Variants in PPP2R3A observed in about 807,000 individuals in gnomAD.
The protein encoded by PPP2R3A is serine/threonine-protein phosphatase 2A regulatory subunit B'' subunit alpha.
Under a neutral mutation model 106.9 loss-of-function variants are expected in PPP2R3A, and 80 were observed. The ratio of observed to expected loss-of-function variants is 0.75; its 90% CI spans 0.62 to 0.90. PPP2R3A has a LOEUF of 0.90. PPP2R3A is among the 40% of genes least tolerant of loss of function. The pLI, the probability that PPP2R3A is intolerant of heterozygous loss-of-function variation, is 0.00. For synonymous variants in PPP2R3A, 483 were observed against 468.3 expected (o/e 1.03, Z -0.41); for missense variants, 1,386 against 1,350.4 (o/e 1.03, Z -0.41).
chr3:136,081,208 G>A (rs1232598324), intron 7 of PPP2R3A, among the ~76,000 whole-genome samples: 1 of 151,916 alleles, frequency 6.6e-6, no homozygotes, highest in Non-Finnish European at 1.5e-5. Flanking sequence ...GGCCAGGCTG[G>A]TCTTGAACTC....
intron 5 of PPP2R3A, among the ~76,000 whole-genome samples, chr3:136,057,648 G>A (rs2107880147): frequency 6.6e-6 from 1 of 152,202 alleles, no homozygotes; most frequent in South Asian, 2.1e-4. Context: ...TGAAGAATCT[G>A]AATAGACATT....
intron 12 of PPP2R3A, among the ~76,000 whole-genome samples, chr3:136,104,918 A>G (rs1352406999): frequency 6.6e-6 from 1 of 152,138 alleles, no homozygotes; most frequent in African/African-American, 2.4e-5. Context: ...TACCATTTTT[A>G]CTCTAAAAAA....
chr3:136,068,501 A>G (rs1443517273), intron 5 of PPP2R3A, among the ~76,000 whole-genome samples: 1 of 152,168 alleles, frequency 6.6e-6, no homozygotes. Context: ...AGCCTGGATG[A>G]CAGAGCAAGA....
intron 1 of PPP2R3A, among the ~76,000 whole-genome samples, chr3:135,984,818 G>T (rs1210318964): frequency 6.6e-6 from 1 of 152,152 alleles, no homozygotes; most frequent in Non-Finnish European, 1.5e-5. Context: ...AGGTTTTATT[G>T]GACTTACAGT....
intron 1 of PPP2R3A, among the ~76,000 whole-genome samples, chr3:136,000,231 A>C (rs1933568946): frequency 6.6e-6 from 1 of 152,248 alleles, no homozygotes; most frequent in East Asian, 1.9e-4. Context: ...TTATATGTTT[A>C]ACTTGTATGT....
In PPP2R3A at chr3:136,136,095, A is replaced by ATAT. The variant is rs1559940409; in HGVS notation, c.3330-8948_3330-8947insTAT. Among the ~76,000 whole-genome samples the ATAT allele has an allele frequency of 4.9e-4, 66 of 134,230 alleles. 2 individuals carry two copies. Among genetic ancestry groups the ATAT allele is most frequent in the Non-Finnish European group, 1.9e-4 (12 of 63,458 alleles). The allele number at this position is 134,230 out of a possible 152,430, so 88.1% of individuals were successfully genotyped here. ...AAAATTATATATATATATATATATA[A>ATAT]AAAACATCATGGTTAAGAGCATGAA... On this transcript the variant is annotated intron_variant, in intron 13 of 13. Transcript: ENST00000264977.
rs1363504509 is a variant in PPP2R3A, at chr3:136,146,787, T to A, written c.*1621T>A. On this transcript the variant is annotated 3_prime_UTR_variant, in exon 14 of 14. Coordinates refer to ENST00000264977, the MANE Select transcript of PPP2R3A (RefSeq NM_002718.5). Reference sequence around the variant, plus strand: ...AAATTATTAAGATTAAGATTATTTATGTGATAAATGAAATCTCCTACCAAT... The same window carrying A: ...AAATTATTAAGATTAAGATTATTTAAGTGATAAATGAAATCTCCTACCAAT... 3 of 151,972 alleles carry A rather than the reference T, an allele frequency of 2.0e-5. No individual in the cohort carries two copies. The highest frequency in any genetic ancestry group is 6.6e-5 in the Admixed American group (1 of 15,250). 9.4% of individuals were successfully genotyped at this position (151,972 alleles called of 1,614,324 possible).
intron 7 of PPP2R3A, among the ~76,000 whole-genome samples, chr3:136,082,002 C>G (rs1257106669): frequency 6.6e-6 from 1 of 152,086 alleles, no homozygotes; most frequent in African/African-American, 2.4e-5. Flanking sequence ...ACTATAGTCC[C>G]CAAGGTAATG....
intron 3 of PPP2R3A, 45 bp from the exon 4 acceptor site, chr3:136,040,814 C>T (rs1212777230): frequency 1.5e-5 from 22 of 1,496,382 alleles, no homozygotes; most frequent in Non-Finnish European, 2.0e-5. Flanking sequence ...CGTGTCATCT[C>T]TTCATTCCCT....
intron 10 of PPP2R3A, among the ~76,000 whole-genome samples, chr3:136,096,514 C>G (rs976080839): frequency 6.6e-6 from 1 of 152,182 alleles, no homozygotes; most frequent in Non-Finnish European, 1.5e-5. Flanking sequence ...CCTTTAATCT[C>G]TCTGTCCTGG....
intron 5 of PPP2R3A, among the ~76,000 whole-genome samples, chr3:136,054,138 T>C (rs1429920230): frequency 6.6e-6 from 1 of 152,084 alleles, no homozygotes; most frequent in African/African-American, 2.4e-5. Context: ...TTTTTATTTC[T>C]AAGCACTTTT....
chr3:136,138,245 T>C (rs867643352), intron 13 of PPP2R3A, among the ~76,000 whole-genome samples: 12 of 152,162 alleles, frequency 7.9e-5, no homozygotes, highest in Non-Finnish European at 1.3e-4. Flanking sequence ...TCAACAGATA[T>C]TTACTGGTAC....
intron 7 of PPP2R3A, among the ~76,000 whole-genome samples, chr3:136,081,896 A>G (rs546413478): frequency 6.6e-6 from 1 of 152,236 alleles, no homozygotes; most frequent in Non-Finnish European, 1.5e-5. Flanking sequence ...TGTTGCTCAC[A>G]TAACTTTGAA....
rs1437617846 is a variant in PPP2R3A, at chr3:136,147,009, TA to T, written c.*1844del. The T allele has an allele frequency of 6.6e-6, 1 of 152,224 alleles. No homozygotes were observed. The highest frequency in any genetic ancestry group is 1.5e-5 in the Non-Finnish European group (1 of 68,034). The allele number at this position is 152,224 out of a possible 1,614,324, so 9.4% of individuals were successfully genotyped here. On this transcript the variant is annotated 3_prime_UTR_variant, in exon 14 of 14. Coordinates refer to ENST00000264977, the MANE Select transcript of PPP2R3A (RefSeq NM_002718.5). ...ATTTTTTTTTTTAACTATTTGGCTT[TA>T]CCTTTTTACCTTGGTTCTCCTTACT...
At chr3:136,029,743 T>C (rs1934800695) in intron 3 of PPP2R3A, among the ~76,000 whole-genome samples, 1 of 152,248 alleles carries the variant, frequency 6.6e-6, no homozygotes, top group South Asian at 2.1e-4. Flanking sequence ...ATAGCCATTA[T>C]ACATATATAT....
At chr3:136,055,657 G>A in intron 5 of PPP2R3A, 4 of 1,221,700 alleles carry the variant, frequency 3.3e-6, no homozygotes, top group African/African-American at 1.5e-5. Flanking sequence ...TGATACAGAG[G>A]TTGTTCATAA....
At chr3:135,995,675 G>A (rs1281954955) in intron 1 of PPP2R3A, among the ~76,000 whole-genome samples, 1 of 152,048 alleles carries the variant, frequency 6.6e-6, no homozygotes, top group Non-Finnish European at 1.5e-5. Context: ...GTCTCACCAT[G>A]TTGGCCAGGT....
chr3:136,016,735 C>T (rs1039140553), intron 2 of PPP2R3A, among the ~76,000 whole-genome samples: 8 of 152,128 alleles, frequency 5.3e-5, no homozygotes, highest in Admixed American at 5.2e-4. Context: ...TTAAAGACAG[C>T]AGATACTTGG....
chr3:136,003,826 T>A lies in PPP2R3A; in HGVS notation c.1995+333T>A, dbSNP rs115346210. On this transcript the variant is annotated intron_variant, in intron 2 of 13. Transcript: ENST00000264977. ...GGAAATAATAAGGATCAAAATAACTTGTGTGAAACATAAGCAAGGTTCCTT... is the reference window on the plus strand; with the variant it reads ...GGAAATAATAAGGATCAAAATAACTAGTGTGAAACATAAGCAAGGTTCCTT... 8.9e-4 allele frequency among the ~76,000 whole-genome samples: 136 copies of A among 152,306 alleles called. No homozygotes were observed. In the East Asian group the frequency reaches 0.018, roughly 20 times the overall value.
Sources: gnomAD v4.1 joint callset for allele counts (sites outside exome capture counted in the v4.1 genomes callset) on GRCh38, gnomAD v4.1.1 for gene constraint, MANE v1.5 for transcripts, NCBI Gene and HGNC (gene_info 2026-07-23, HGNC 2026-07-21) for gene names.